GIGYF2: variants seen among roughly 807,000 people sequenced by gnomAD.
The protein encoded by GIGYF2 is GRB10-interacting GYF protein 2.
A neutral mutation model predicts 208.1 loss-of-function variants in GIGYF2; 25 were observed. That is an observed-to-expected ratio of 0.12 (90% CI 0.09 to 0.17). The LOEUF is 0.17. Ranked by LOEUF, GIGYF2 falls within the 10% of genes least tolerant of loss-of-function variation. The pLI is 1.00. For synonymous variants in GIGYF2, 534 were observed against 543.8 expected (o/e 0.98, Z 0.25); for missense variants, 1,302 against 1,579.4 (o/e 0.82, Z 2.98).
At chr2:232,710,838 T>C (rs2106255781) in intron 2 of GIGYF2, among the ~76,000 whole-genome samples, 1 of 152,100 alleles carries the variant, frequency 6.6e-6, no homozygotes, top group Middle Eastern at 3.4e-3. Context: ...TAGGTGGGAT[T>C]ACAGGCACCC....
intron 25 of GIGYF2, among the ~76,000 whole-genome samples, chr2:232,845,019 C>G (rs1701953952): frequency 6.6e-6 from 1 of 152,034 alleles, no homozygotes; most frequent in African/African-American, 2.4e-5. Flanking sequence ...CTTCATCTTT[C>G]TTTCTTCAAT....
intron 3 of GIGYF2, among the ~76,000 whole-genome samples, chr2:232,743,195 G>A (rs1698033402): frequency 6.6e-6 from 1 of 152,132 alleles, no homozygotes; most frequent in African/African-American, 2.4e-5. Context: ...TAGTGGAGTG[G>A]CAGGAGAAAC....
intron 3 of GIGYF2, among the ~76,000 whole-genome samples, chr2:232,738,010 G>A (rs1697810731): frequency 6.6e-6 from 1 of 150,656 alleles, no homozygotes; most frequent in African/African-American, 2.4e-5. Flanking sequence ...TCTGCCTCCA[G>A]GGTTCAAGTG....
chr2:232,830,040 T>C (rs1369532443), intron 21 of GIGYF2, among the ~76,000 whole-genome samples: 1 of 152,140 alleles, frequency 6.6e-6, no homozygotes, highest in Non-Finnish European at 1.5e-5. Context: ...AGTGCAGTGG[T>C]GTGATTATAA....
At chr2:232,755,678 G>T (rs1418248897) in intron 5 of GIGYF2, among the ~76,000 whole-genome samples, 1 of 152,100 alleles carries the variant, frequency 6.6e-6, no homozygotes, top group Non-Finnish European at 1.5e-5. Flanking sequence ...TATTTAGATG[G>T]TTGCTCTTGT....
chr2:232,783,371 T>G (rs1423636457), intron 8 of GIGYF2, among the ~76,000 whole-genome samples: 1 of 152,186 alleles, frequency 6.6e-6, no homozygotes, highest in Non-Finnish European at 1.5e-5. Context: ...TTATTTTTCT[T>G]ATTTTGTTTA....
At chr2:232,757,063 G>A (rs942076487) in intron 6 of GIGYF2, among the ~76,000 whole-genome samples, 3 of 152,182 alleles carry the variant, frequency 2.0e-5, no homozygotes, top group Admixed American at 1.3e-4. Flanking sequence ...AGAAATGGAA[G>A]AATTGGATGT....
At chr2:232,814,184 C>CCCATGCCCAA (rs1301702992) in intron 18 of GIGYF2, among the ~76,000 whole-genome samples, 2 of 152,052 alleles carry the variant, frequency 1.3e-5, no homozygotes, top group African/African-American at 4.8e-5. Flanking sequence ...TGGTGCCCAA[C>CCCATGCCCAA]CCATGATTGG....
chr2:232,804,041 G>A (rs1290843963), intron 14 of GIGYF2, among the ~76,000 whole-genome samples: 1 of 152,090 alleles, frequency 6.6e-6, no homozygotes, highest in Non-Finnish European at 1.5e-5. Flanking sequence ...CTTGATTACT[G>A]TAGCTGTATA....
chr2:232,854,911 T>C (rs1315772337), intron 28 of GIGYF2, among the ~76,000 whole-genome samples: 1 of 152,132 alleles, frequency 6.6e-6, no homozygotes. Context: ...TAAAACAGTT[T>C]GGGATTTTAT....
intron 22 of GIGYF2, among the ~76,000 whole-genome samples, chr2:232,835,243 G>T (rs1433433587): frequency 2.0e-5 from 3 of 152,116 alleles, no homozygotes; most frequent in Non-Finnish European, 4.4e-5. Flanking sequence ...ATCCTCTGTT[G>T]ATGGGCAGTT....
chr2:232,740,553 GTA>G (rs997726314), intron 3 of GIGYF2, among the ~76,000 whole-genome samples: 2 of 152,138 alleles, frequency 1.3e-5, no homozygotes, highest in African/African-American at 4.8e-5. Flanking sequence ...TGGTGTATCT[GTA>G]TATATATTTG....
At chr2:232,830,300 T>C (rs1701390771) in intron 21 of GIGYF2, among the ~76,000 whole-genome samples, 1 of 152,166 alleles carries the variant, frequency 6.6e-6, no homozygotes, top group African/African-American at 2.4e-5. Flanking sequence ...CCTGTTCTTT[T>C]TTTCGTTTTT....
intron 6 of GIGYF2, 67 bp from the exon 7 acceptor site, chr2:232,760,413 T>A (rs375914290): frequency 3.0e-5 from 29 of 980,998 alleles, no homozygotes; most frequent in East Asian, 1.7e-4. Context: ...GATATTAATT[T>A]ATGGTGGTGA....
intron 8 of GIGYF2, among the ~76,000 whole-genome samples, chr2:232,778,153 C>G (rs967531426): frequency 2.0e-5 from 3 of 151,940 alleles, no homozygotes; most frequent in African/African-American, 7.3e-5. Flanking sequence ...CTAGGCTGGT[C>G]TTGAACTCCT....
At chr2:232,748,097 TTAAAAA>T (rs1374684757) in intron 4 of GIGYF2, among the ~76,000 whole-genome samples, 1 of 152,200 alleles carries the variant, frequency 6.6e-6, no homozygotes, top group African/African-American at 2.4e-5. Flanking sequence ...TACTTGCCAC[TTAAAAA>T]TAAAGAGCCA....
In GIGYF2 at chr2:232,857,277, T is replaced by G; in HGVS notation, c.*417T>G. 6.7e-6 allele frequency: 2 copies of G among 298,952 alleles called. No homozygotes were observed. The highest frequency in any genetic ancestry group is 6.5e-6 in the Non-Finnish European group (1 of 154,570). The allele number at this position is 298,952 out of a possible 1,614,324, so 18.5% of individuals were successfully genotyped here. On this transcript the variant is annotated 3_prime_UTR_variant, in exon 29 of 29. Coordinates refer to ENST00000373563, the MANE Select transcript of GIGYF2 (RefSeq NM_001103146.3). ...TTTCCCCCCATCAGGGCAAATGGTC[T>G]AACTGGTGCAATCATGAAGAGAGTT...
chr2:232,792,373 T>C (rs1342864907), intron 12 of GIGYF2, among the ~76,000 whole-genome samples: 1 of 152,212 alleles, frequency 6.6e-6, no homozygotes, highest in Non-Finnish European at 1.5e-5. Flanking sequence ...TAGACTAATA[T>C]TTTGAGAGCT....
At chr2:232,698,118 G>C (rs994540788) in intron 1 of GIGYF2, among the ~76,000 whole-genome samples, 3 of 152,214 alleles carry the variant, frequency 2.0e-5, no homozygotes, top group African/African-American at 7.2e-5. Context: ...CTGAATACTT[G>C]TTTTGCGACT....
Sources: gnomAD v4.1 joint callset for allele counts (sites outside exome capture counted in the v4.1 genomes callset) on GRCh38, gnomAD v4.1.1 for gene constraint, MANE v1.5 for transcripts, NCBI Gene and HGNC (gene_info 2026-07-23, HGNC 2026-07-21) for gene names.